The following DMD variants were observed in gnomAD, a reference collection of about 807,000 sequenced individuals.
The protein encoded by DMD is dystrophin, also known as mutant dystrophin.
A neutral mutation model predicts 330.1 loss-of-function variants in DMD; 63 were observed. The ratio of observed to expected loss-of-function variants is 0.19; its 90% confidence interval spans 0.16 to 0.24. The LOEUF (loss-of-function observed/expected upper bound fraction) is 0.24. Ranked by LOEUF, DMD falls within the 10% of genes least tolerant of loss-of-function variation. The pLI is 1.00. For synonymous variants in DMD, 1,223 were observed against 959.8 expected, an observed-to-expected ratio of 1.27 and a Z score of -5.07; for missense variants, 3,344 against 2,684.1, an observed-to-expected ratio of 1.25 and a Z score of -5.43.
intron 1 of DMD, among the ~76,000 whole-genome samples, chrX:33,291,066 A>G (rs1389658511): frequency 9.0e-6 from 1 of 111,373 alleles, no homozygotes; most frequent in Non-Finnish European, 1.9e-5. Flanking sequence ...ACCACGATTA[A>G]GTCGACTTCA....
At chrX:32,781,955 T>C (rs991828734) in intron 7 of DMD, among the ~76,000 whole-genome samples, 11 of 111,585 alleles carry the variant, frequency 9.9e-5, no homozygotes, top group African/African-American at 3.6e-4. Flanking sequence ...GATATCTCAG[T>C]TGATATCTTA....
Position 31,819,799 on chromosome X carries a change from A to G in DMD, c.7309+176T>C, listed in dbSNP as rs17341004. ...ATCCCGTTGTCATGCAACACTTTGA[A>G]TCAGAGTCAATTTCCAAGGAATGTA... On this transcript the variant is annotated intron_variant, in intron 50 of 78. Transcript: ENST00000357033. 0.16 allele frequency among the ~76,000 whole-genome samples: 17,905 copies of G among 112,749 alleles called. 1,084 individuals carry two copies. The highest frequency in any genetic ancestry group is 0.29 in the Admixed American group (3,094 of 10,688).
intron 44 of DMD, among the ~76,000 whole-genome samples, chrX:32,108,493 T>A (rs2096574934): frequency 9.0e-6 from 1 of 111,579 alleles, no homozygotes; most frequent in African/African-American, 3.2e-5. Flanking sequence ...GAACAAACAC[T>A]AGCTTAAAAG....
chrX:32,004,935 T>A (rs2095651090), intron 44 of DMD, among the ~76,000 whole-genome samples: 1 of 111,381 alleles, frequency 9.0e-6, no homozygotes, highest in Non-Finnish European at 1.9e-5. Context: ...TTTATCTTTC[T>A]TGATGATCTC....
At chrX:32,795,326 T>C (rs1330038137) in intron 7 of DMD, among the ~76,000 whole-genome samples, 1 of 112,151 alleles carries the variant, frequency 8.9e-6, no homozygotes, top group Non-Finnish European at 1.9e-5. Context: ...TGTATTTACA[T>C]ACAACTTGTT....
chrX:33,117,646 T>C (rs374406104), intron 1 of DMD, among the ~76,000 whole-genome samples: 1 of 111,206 alleles, frequency 9.0e-6, no homozygotes, highest in African/African-American at 3.3e-5. Context: ...CTGAGGCCCA[T>C]TGAGGATTAA....
intron 44 of DMD, among the ~76,000 whole-genome samples, chrX:32,018,808 A>G (rs1408334428): frequency 9.0e-6 from 1 of 111,722 alleles, no homozygotes; most frequent in African/African-American, 3.3e-5. Context: ...CATGGCTCTA[A>G]GTATACTTGC....
intron 60 of DMD, among the ~76,000 whole-genome samples, chrX:31,369,036 T>C (rs16989578): frequency 0.015 from 1,724 of 111,827 alleles, 39 homozygotes; most frequent in African/African-American, 0.053. Flanking sequence ...CCTGGACTCT[T>C]GGAGAAGGCA....
At chrX:32,827,219 A>G (rs929125880) in intron 4 of DMD, among the ~76,000 whole-genome samples, 1 of 110,745 alleles carries the variant, frequency 9.0e-6, no homozygotes, top group African/African-American at 3.3e-5. Context: ...AGGAAGTAAC[A>G]TTGTGAAAAG....
chrX:32,704,965 C>A (rs1478345134), intron 7 of DMD, among the ~76,000 whole-genome samples: 1 of 112,085 alleles, frequency 8.9e-6, no homozygotes, highest in Non-Finnish European at 1.9e-5. Flanking sequence ...GTTATAATAT[C>A]ATCTGATATC....
At chrX:33,060,393 T>A (rs1438836550) in intron 1 of DMD, among the ~76,000 whole-genome samples, 1 of 111,144 alleles carries the variant, frequency 9.0e-6, no homozygotes, top group Non-Finnish European at 1.9e-5. Flanking sequence ...TAAAACTAAA[T>A]TTTAGGAGAA....
intron 44 of DMD, among the ~76,000 whole-genome samples, chrX:32,104,776 T>C (rs1348252114): frequency 1.8e-5 from 2 of 111,589 alleles, no homozygotes; most frequent in African/African-American, 3.3e-5. Context: ...ATTTTTCAAA[T>C]GTCCCCTGAA....
intron 44 of DMD, among the ~76,000 whole-genome samples, chrX:32,017,269 A>C (rs1178967662): frequency 8.9e-6 from 1 of 112,196 alleles, no homozygotes; most frequent in Non-Finnish European, 1.9e-5. Context: ...CATCAATAGA[A>C]ACGGATTAAA....
intron 16 of DMD, among the ~76,000 whole-genome samples, chrX:32,554,039 G>T (rs1418967318): frequency 8.9e-6 from 1 of 112,468 alleles, no homozygotes; most frequent in Non-Finnish European, 1.9e-5. Context: ...CTGGGACAGA[G>T]CTTCTGGGAG....
rs72234458 is a variant in DMD at position 32,394,916 on chromosome X, C to CA, written c.4234-4736dup. Among the ~76,000 whole-genome samples, 304 of 39,019 alleles carry CA rather than the reference C, an allele frequency of 7.8e-3. 2 individuals carry two copies. Among genetic ancestry groups the CA allele is most frequent in the Middle Eastern group, 0.012 (1 of 81 alleles). The allele number at this position is 39,019 out of a possible 115,157, so 33.9% of individuals were successfully genotyped here. A position where few individuals can be genotyped will look rare whatever the true frequency, so the allele number is the denominator to read the frequency against. On this transcript the variant is annotated intron_variant, in intron 30 of 78. Transcript: ENST00000357033. ...CAAAGAAGAGCAAAAAACAAAAAAA[C>CA]AAAAAAAAAAAAAAAAAGAAAAGAA...
intron 60 of DMD, among the ~76,000 whole-genome samples, chrX:31,423,295 G>A (rs961697523): frequency 8.1e-5 from 9 of 111,093 alleles, no homozygotes; most frequent in Non-Finnish European, 1.1e-4. Context: ...AGGATGTCAG[G>A]GAAGGAGAAA....
At chrX:31,487,317 GGT>G (rs1314294108) in intron 57 of DMD, among the ~76,000 whole-genome samples, 4 of 107,810 alleles carry the variant, frequency 3.7e-5, no homozygotes, top group Non-Finnish European at 5.8e-5. Context: ...GGAGTGCAGT[GGT>G]GCGCGATCTC....
Position 33,020,167 on chromosome X carries a change from G to C in DMD, c.65C>G (p.Thr22Arg). Residue 22 changes from threonine to arginine, a missense_variant, in exon 2 of 79, where the codon ACA becomes AGA. By Grantham distance (71) the Thr-to-Arg change is moderately conservative (BLOSUM62 -1). Coordinates refer to ENST00000357033, the MANE Select transcript of DMD (RefSeq NM_004006.3). Reference protein sequence around the residue: ...EREDVQKKTFTKWVNAQFSKF... With the variant: ...EREDVQKKTFRKWVNAQFSKF... ...AGAAAATTGTGCATTTACCCATTTT[G>C]TGAATGTTTTCTTTTGAACATCTTC... The C allele has an allele frequency of 8.4e-7, 1 of 1,191,068 alleles. No homozygotes were observed. The highest frequency in any genetic ancestry group is 1.1e-6 in the Non-Finnish European group (1 of 880,358).
intron 63 of DMD, among the ~76,000 whole-genome samples, chrX:31,244,627 T>G (rs1273817887): frequency 8.9e-6 from 1 of 111,759 alleles, no homozygotes; most frequent in East Asian, 2.8e-4. Flanking sequence ...AAAAATAACA[T>G]CTCTGAGGAA....
Sources: allele counts gnomAD v4.1 joint callset (sites outside exome capture counted in the v4.1 genomes callset), GRCh38; gene constraint gnomAD v4.1.1; transcripts MANE v1.5; gene names NCBI Gene and HGNC (gene_info 2026-07-23, HGNC 2026-07-21).